The following FRMD6 variants were observed in gnomAD, a reference collection of about 807,000 sequenced individuals.
The protein encoded by FRMD6 is FERM domain-containing protein 6.
In FRMD6, 37 loss-of-function variants were observed where a neutral mutation model predicts 73.2. That is an observed-to-expected ratio of 0.51 (90% CI 0.39 to 0.66). The LOEUF (loss-of-function observed/expected upper bound fraction) is 0.66. FRMD6 is among the 30% of genes least tolerant of loss of function. The pLI is 0.00. For missense variants in FRMD6, 714 were observed against 780.5 expected, an observed-to-expected ratio of 0.91 and a Z score of 1.02; for synonymous variants, 273 against 282.2, an observed-to-expected ratio of 0.97 and a Z score of 0.33.
chr14:51,460,765 T>G, the FRMD6 span, among the ~76,000 whole-genome samples: 1 of 152,170 alleles, frequency 6.6e-6, no homozygotes, highest in African/African-American at 2.4e-5. Flanking sequence ...TCCTCTGGAG[T>G]AGATCCTGAA....
chr14:51,599,066 T>C, intron 2 of FRMD6, among the ~76,000 whole-genome samples: 2 of 138,414 alleles, frequency 1.4e-5, no homozygotes, highest in East Asian at 4.0e-4. Context: ...GTCTTTTTTT[T>C]TTTTTTTTTT....
the FRMD6 span, among the ~76,000 whole-genome samples, chr14:51,458,034 C>T: frequency 6.6e-6 from 1 of 152,138 alleles, no homozygotes; most frequent in Non-Finnish European, 1.5e-5. Flanking sequence ...TTTAAGGTGC[C>T]TTGGAATGTG....
intron 12 of FRMD6, among the ~76,000 whole-genome samples, chr14:51,724,918 A>T (rs1212112118): frequency 6.6e-6 from 1 of 152,088 alleles, no homozygotes; most frequent in African/African-American, 2.4e-5. Context: ...ACATAGGGAA[A>T]TGTCAGCCCT....
intron 1 of FRMD6, among the ~76,000 whole-genome samples, chr14:51,569,077 C>A (rs1472896296): frequency 6.6e-6 from 1 of 152,084 alleles, no homozygotes; most frequent in African/African-American, 2.4e-5. Flanking sequence ...AACTCCTGAC[C>A]TCAGGTGATC....
intron 1 of FRMD6, among the ~76,000 whole-genome samples, chr14:51,661,526 G>T (rs1893219390): frequency 6.6e-6 from 1 of 152,148 alleles, no homozygotes; most frequent in Non-Finnish European, 1.5e-5. Context: ...TCTTTTAGAG[G>T]TTGTGTTGAT....
the FRMD6 span, among the ~76,000 whole-genome samples, chr14:51,475,021 CAG>C: frequency 1.3e-5 from 2 of 152,160 alleles, no homozygotes; most frequent in African/African-American, 2.4e-5. Flanking sequence ...GTCTGAATGA[CAG>C]AGTCATCAGT....
intron 1 of FRMD6, among the ~76,000 whole-genome samples, chr14:51,529,829 G>C (rs1180144882): frequency 6.6e-6 from 1 of 152,192 alleles, no homozygotes; most frequent in Admixed American, 6.5e-5. Context: ...AAATCAGTTA[G>C]CTATGGATGA....
chr14:51,586,544 GTTTC>G (rs1889061510), intron 2 of FRMD6, among the ~76,000 whole-genome samples: 1 of 152,154 alleles, frequency 6.6e-6, no homozygotes, highest in Admixed American at 6.5e-5. Flanking sequence ...TCTCTTGATT[GTTTC>G]TTTTTGCTGT....
intron 1 of FRMD6, among the ~76,000 whole-genome samples, chr14:51,556,990 T>C (rs1310962899): frequency 6.6e-6 from 1 of 152,138 alleles, no homozygotes; most frequent in African/African-American, 2.4e-5. Context: ...CTTTGCAGGC[T>C]ATAAGAAAGT....
the FRMD6 span, among the ~76,000 whole-genome samples, chr14:51,483,985 G>C: frequency 6.6e-6 from 1 of 152,160 alleles, no homozygotes; most frequent in Non-Finnish European, 1.5e-5. Flanking sequence ...GTAAGAGTTC[G>C]CTTCTTTATG....
chr14:51,551,018 T>C (rs974201976), intron 1 of FRMD6, among the ~76,000 whole-genome samples: 3 of 152,190 alleles, frequency 2.0e-5, no homozygotes, highest in African/African-American at 7.2e-5. Context: ...CCTTCACTTG[T>C]CCCTTGATGC....
the FRMD6 span, among the ~76,000 whole-genome samples, chr14:51,398,007 T>C: frequency 6.6e-6 from 1 of 152,248 alleles, no homozygotes; most frequent in South Asian, 2.1e-4. Context: ...AATTTAAAAG[T>C]GTGAAGTCCT....
Position 51,638,821 on chromosome 14 carries a change from CCTT to C in FRMD6, c.-146-50866_-146-50864del, listed in dbSNP as rs1012935381. On this transcript the variant is annotated intron_variant, in intron 2 of 14. Transcript: ENST00000356218. ...GTCATCCAACACTGCCCTATTGACTCCTTCTTGCCAAATGACCTCACATAATTC... is the reference window on the plus strand; with the variant it reads ...GTCATCCAACACTGCCCTATTGACTCCTTGCCAAATGACCTCACATAATTC... 4.6e-5 allele frequency among the ~76,000 whole-genome samples: 7 copies of C among 152,188 alleles called. No homozygotes were observed. In the South Asian group the frequency reaches 1.4e-3, roughly 32 times the overall value.
chr14:51,708,315 C>T lies in FRMD6; in HGVS notation c.714+82C>T, dbSNP rs369222110. 56 of 1,308,182 alleles carry T rather than the reference C, an allele frequency of 4.3e-5. No individual in the cohort carries two copies. In the East Asian group the frequency reaches 6.9e-4, roughly 16 times the overall value. 81.0% of individuals were successfully genotyped at this position (1,308,182 alleles called of 1,614,324 possible). A position where few individuals can be genotyped will look rare whatever the true frequency, so the allele number is the denominator to read the frequency against. ...ATTGAGAAGGAAAACCGAAGGATTT[C>T]ATTTCCATTAAAACTTATTTCATTT... On this transcript the variant is annotated intron_variant, in intron 7 of 13. Transcript: ENST00000344768.
chr14:51,635,933 G>A (rs1016080831), intron 2 of FRMD6, among the ~76,000 whole-genome samples: 2 of 152,192 alleles, frequency 1.3e-5, no homozygotes, highest in Non-Finnish European at 2.9e-5. Context: ...TGTACACCTA[G>A]CTCTTTACTC....
intron 1 of FRMD6, among the ~76,000 whole-genome samples, chr14:51,662,073 T>C (rs1354150107): frequency 1.3e-5 from 2 of 152,210 alleles, no homozygotes; most frequent in Non-Finnish European, 1.5e-5. Flanking sequence ...TATGCAGTTT[T>C]TTAGTTCTTT....
chr14:51,635,206 G>A (rs1185302672), intron 2 of FRMD6, among the ~76,000 whole-genome samples: 3 of 152,204 alleles, frequency 2.0e-5, no homozygotes, highest in South Asian at 4.1e-4. Flanking sequence ...AACACAGTGA[G>A]ACTCCATCTT....
At chr14:51,634,423 T>C in intron 2 of FRMD6, among the ~76,000 whole-genome samples, 1 of 152,208 alleles carries the variant, frequency 6.6e-6, no homozygotes, top group East Asian at 1.9e-4. Flanking sequence ...TTATCCTCTC[T>C]CCGAATTATC....
chr14:51,504,521 C>T (rs1483085199), intron 1 of FRMD6, among the ~76,000 whole-genome samples: 1 of 152,248 alleles, frequency 6.6e-6, no homozygotes, highest in African/African-American at 2.4e-5. Flanking sequence ...CTTCATTTTT[C>T]AGTCGCTGAC....
Sources: allele counts gnomAD v4.1 joint callset (sites outside exome capture counted in the v4.1 genomes callset), GRCh38; gene constraint gnomAD v4.1.1; transcripts MANE v1.5; gene names NCBI Gene and HGNC (gene_info 2026-07-23, HGNC 2026-07-21).